Variants in LPP observed in about 807,000 individuals in gnomAD.
The protein encoded by LPP is LIM domain containing preferred translocation partner in lipoma.
In LPP, 38 loss-of-function variants were observed where a neutral mutation model predicts 60.4. The ratio of observed to expected loss-of-function variants is 0.63; its 90% CI spans 0.49 to 0.83. The LOEUF (loss-of-function observed/expected upper bound fraction) is 0.83. LPP is among the 40% of genes least tolerant of loss of function. The pLI is 0.00. For synonymous variants in LPP, 328 were observed against 290.8 expected, an observed-to-expected ratio of 1.13 and a Z score of -1.30; for missense variants, 902 against 783.6, an observed-to-expected ratio of 1.15 and a Z score of -1.80.
At chr3:188,269,645 A>ATACGTGTG (rs748506984) in intron 2 of LPP, among the ~76,000 whole-genome samples, 31 of 136,454 alleles carry the variant, frequency 2.3e-4, no homozygotes, top group African/African-American at 8.7e-4. Flanking sequence ...CTTTTTTTTT[A>ATACGTGTG]TGTGTGTGTG....
intron 3 of LPP, among the ~76,000 whole-genome samples, chr3:188,347,961 A>G (rs147459627): frequency 1.4e-3 from 212 of 152,314 alleles, no homozygotes; most frequent in Middle Eastern, 6.8e-3. Flanking sequence ...CCAGCAATCT[A>G]CAGTAGTATC....
chr3:188,252,908 A>G (rs1730397374), intron 2 of LPP, among the ~76,000 whole-genome samples: 1 of 152,088 alleles, frequency 6.6e-6, no homozygotes, highest in South Asian at 2.1e-4. Context: ...AGTAGCTGGG[A>G]TTGCAGGTGC....
chr3:188,401,163 C>T (rs1411661692), intron 3 of LPP, among the ~76,000 whole-genome samples: 1 of 152,154 alleles, frequency 6.6e-6, no homozygotes, highest in Non-Finnish European at 1.5e-5. Flanking sequence ...TCCTTGGATC[C>T]ATCCTACATG....
At chr3:188,841,389 A>ATTGGT (rs1759942346) in intron 9 of LPP, among the ~76,000 whole-genome samples, 1 of 94,530 alleles carries the variant, frequency 1.1e-5, no homozygotes, top group Non-Finnish European at 1.9e-5. Context: ...CCCTTTCTGA[A>ATTGGT]TTTGTTTTTT....
chr3:188,635,885 C>T (rs1848639374), intron 7 of LPP, among the ~76,000 whole-genome samples: 2 of 152,118 alleles, frequency 1.3e-5, no homozygotes, highest in African/African-American at 4.8e-5. Flanking sequence ...TGTCAGATTA[C>T]TGGAAAAAGG....
At chr3:188,622,081 GAGCATTCTTCTA>G (rs1300599724) in intron 7 of LPP, among the ~76,000 whole-genome samples, 3 of 152,158 alleles carry the variant, frequency 2.0e-5, no homozygotes, top group Non-Finnish European at 4.4e-5. Context: ...GGGTTAACAA[GAGCATTCTTCTA>G]AGCAGCTAGA....
intron 2 of LPP, among the ~76,000 whole-genome samples, chr3:188,287,994 T>TA (rs1027251228): frequency 1.3e-5 from 2 of 152,260 alleles, no homozygotes; most frequent in East Asian, 3.9e-4. Flanking sequence ...TAAGCAACAA[T>TA]AAAAAAATCA....
At chr3:188,285,270 A>G (rs370435207) in intron 2 of LPP, among the ~76,000 whole-genome samples, 1 of 152,202 alleles carries the variant, frequency 6.6e-6, no homozygotes, top group African/African-American at 2.4e-5. Flanking sequence ...TTCTGTTTCT[A>G]TATATGTGAA....
At position 188,609,975 on chromosome 3, in the gene LPP, A is replaced by G. The variant is rs1843349026; in HGVS notation, c.1113+131A>G. On this transcript the variant is annotated intron_variant, in intron 7 of 11. Transcript: ENST00000617246. This position sits in a 1 kb window ranked among gnomAD's most constrained non-coding sequence, Gnocchi z 6.9. Reference sequence around the variant, plus strand: ...TCACTGACAAATACAATCCCAGGGAAGGATGAGTGAAGCCAGAGAGGAGAG... The same window carrying G: ...TCACTGACAAATACAATCCCAGGGAGGGATGAGTGAAGCCAGAGAGGAGAG... The G allele has an allele frequency of 3.1e-5, 27 of 873,334 alleles. No individual in the cohort carries two copies. In the South Asian group the frequency reaches 4.7e-4, roughly 15 times the overall value. The allele number at this position is 873,334 out of a possible 1,614,324, so 54.1% of individuals were successfully genotyped here. A position where few individuals can be genotyped will look rare whatever the true frequency, so the allele number is the denominator to read the frequency against.
chr3:188,593,317 CTT>C (rs771890316), intron 6 of LPP, among the ~76,000 whole-genome samples: 62 of 151,942 alleles, frequency 4.1e-4, no homozygotes, highest in Non-Finnish European at 6.2e-4. Context: ...CTCTCTCTCT[CTT>C]CTCTCTCCCT....
intron 1 of LPP, among the ~76,000 whole-genome samples, chr3:188,192,703 G>A (rs1162717876): frequency 3.9e-5 from 6 of 152,154 alleles, no homozygotes; most frequent in Admixed American, 1.3e-4. Context: ...AAGTCTGAAC[G>A]TTCCGCTTTT....
intron 4 of LPP, among the ~76,000 whole-genome samples, chr3:188,465,334 G>A (rs1270675495): frequency 9.2e-5 from 14 of 152,130 alleles, no homozygotes; most frequent in Admixed American, 8.5e-4. Context: ...ATTCCGCAAT[G>A]AGTAAGTCGG....
intron 9 of LPP, among the ~76,000 whole-genome samples, chr3:188,831,508 C>G (rs546060803): frequency 2.0e-4 from 30 of 152,126 alleles, no homozygotes; most frequent in Admixed American, 3.9e-4. Flanking sequence ...GTGCTTCCCC[C>G]TCTGTAGCAT....
intron 2 of LPP, among the ~76,000 whole-genome samples, chr3:188,323,898 C>G (rs1307501154): frequency 2.0e-5 from 3 of 152,208 alleles, no homozygotes; most frequent in African/African-American, 4.8e-5. Flanking sequence ...AGGAATGATT[C>G]TGGGTGAGCT....
At chr3:188,685,089 G>A (rs1442689155) in intron 7 of LPP, among the ~76,000 whole-genome samples, 1 of 152,150 alleles carries the variant, frequency 6.6e-6, no homozygotes, top group Non-Finnish European at 1.5e-5. Context: ...TTTGCATTGA[G>A]GAAGCTGAGG....
At chr3:188,796,087 T>C (rs777451108) in intron 9 of LPP, among the ~76,000 whole-genome samples, 1 of 152,224 alleles carries the variant, frequency 6.6e-6, no homozygotes, top group African/African-American at 2.4e-5. Context: ...GAAGTTTCTA[T>C]TCTGTTAAGG....
intron 3 of LPP, among the ~76,000 whole-genome samples, chr3:188,345,234 T>C (rs967571965): frequency 2.0e-5 from 3 of 152,220 alleles, no homozygotes; most frequent in Admixed American, 6.5e-5. Context: ...AATTTCATTT[T>C]CAGCATGGGG....
chr3:188,815,853 T>G (rs1752322868), intron 9 of LPP, among the ~76,000 whole-genome samples: 1 of 152,186 alleles, frequency 6.6e-6, no homozygotes, highest in Admixed American at 6.5e-5. Context: ...AAGCCAATGG[T>G]GGACTGCAGG....
intron 9 of LPP, among the ~76,000 whole-genome samples, chr3:188,832,791 T>C (rs3856921): frequency 0.47 from 71,892 of 152,030 alleles, 17,758 homozygotes; most frequent in East Asian, 0.84. Flanking sequence ...AGTTCAGCTG[T>C]GGTCTTCAGC....
Sources: allele counts gnomAD v4.1 joint callset (sites outside exome capture counted in the v4.1 genomes callset), GRCh38; gene constraint gnomAD v4.1.1; non-coding constraint Gnocchi (gnomAD v3.1); transcripts MANE v1.5; gene names NCBI Gene and HGNC (gene_info 2026-07-23, HGNC 2026-07-21).